BCKDHB: variants seen among roughly 807,000 people sequenced by gnomAD.
BCKDHB encodes the protein 2-oxoisovalerate dehydrogenase subunit beta, mitochondrial.
BCKDHB carries 41 observed loss-of-function variants against 48.5 expected under a neutral mutation model. The ratio of observed to expected loss-of-function variants is 0.85; its 90% CI spans 0.66 to 1.10. The LOEUF is 1.10. BCKDHB is among the 50% of genes least tolerant of loss of function. The pLI, the probability that BCKDHB is intolerant of heterozygous loss-of-function variation, is 0.00. For missense variants in BCKDHB, 496 were observed against 494.2 expected (o/e 1.00, Z -0.03); for synonymous variants, 201 against 174.8 (o/e 1.15, Z -1.18).
intron 9 of BCKDHB, among the ~76,000 whole-genome samples, chr6:80,288,075 C>G (rs1006419335): frequency 6.6e-6 from 1 of 151,204 alleles, no homozygotes; most frequent in Non-Finnish European, 1.5e-5. Context: ...ATCAATGATT[C>G]CTAAATAACT....
the BCKDHB span, among the ~76,000 whole-genome samples, chr6:80,361,602 G>T: frequency 6.6e-6 from 1 of 152,158 alleles, no homozygotes; most frequent in Non-Finnish European, 1.5e-5. Context: ...GTCTGACGCT[G>T]CTCTTACTAT....
chr6:80,458,906 AAATTAT>A, the BCKDHB span, among the ~76,000 whole-genome samples: 2 of 152,182 alleles, frequency 1.3e-5, no homozygotes, highest in African/African-American at 4.8e-5. Context: ...AGGAAAATGC[AAATTAT>A]AATTATAATG....
At chr6:80,363,029 A>G in the BCKDHB span, among the ~76,000 whole-genome samples, 6 of 152,228 alleles carry the variant, frequency 3.9e-5, no homozygotes, top group South Asian at 2.1e-4. Context: ...TATGTCTACA[A>G]TTTTGATGTT....
chr6:80,417,382 T>C, the BCKDHB span, among the ~76,000 whole-genome samples: 38 of 152,324 alleles, frequency 2.5e-4, no homozygotes, highest in Non-Finnish European at 5.0e-4. Context: ...TTTGATTCTG[T>C]CACCATGATG....
intron 9 of BCKDHB, among the ~76,000 whole-genome samples, chr6:80,300,474 T>C (rs1342541873): frequency 6.6e-6 from 1 of 152,208 alleles, no homozygotes; most frequent in East Asian, 1.9e-4. Flanking sequence ...CCTAAATGTA[T>C]ACATACCCAA....
At chr6:80,238,321 A>T (rs2127905113) in intron 8 of BCKDHB, among the ~76,000 whole-genome samples, 1 of 151,606 alleles carries the variant, frequency 6.6e-6, no homozygotes, top group South Asian at 2.1e-4. Context: ...CTTGTCTTGA[A>T]CTCCTGACCT....
At chr6:80,191,366 G>A (rs1228329239) in intron 6 of BCKDHB, among the ~76,000 whole-genome samples, 8 of 152,154 alleles carry the variant, frequency 5.3e-5, no homozygotes, top group Admixed American at 5.2e-4. Flanking sequence ...AGTGGACACA[G>A]CTAGTGCTTG....
chr6:80,233,057 C>T (rs1776000047), intron 8 of BCKDHB, among the ~76,000 whole-genome samples: 1 of 152,044 alleles, frequency 6.6e-6, no homozygotes, highest in East Asian at 1.9e-4. Context: ...TCTCAGTACT[C>T]CCTGTGCACA....
intron 8 of BCKDHB, among the ~76,000 whole-genome samples, chr6:80,232,514 C>T (rs1356444972): frequency 6.6e-6 from 1 of 151,046 alleles, no homozygotes; most frequent in East Asian, 1.9e-4. Flanking sequence ...AGTAGAATCC[C>T]CCTTTTCAGT....
chr6:80,433,927 T>C, the BCKDHB span, among the ~76,000 whole-genome samples: 1 of 152,204 alleles, frequency 6.6e-6, no homozygotes, highest in African/African-American at 2.4e-5. Context: ...TTTCTTTAAA[T>C]ATTTTGTGTC....
rs398124582 is a variant in BCKDHB, at chr6:80,168,923, A to T, written c.526A>T (p.Asn176Tyr). 14 of 1,613,994 alleles carry T rather than the reference A, an allele frequency of 8.7e-6. No individual in the cohort carries two copies. The highest frequency in any genetic ancestry group is 1.1e-5 in the Non-Finnish European group (13 of 1,180,000). The part of the protein sequence containing the change: ...KYRYRSGDLF[N>Y]CGSLTIRSPW... ...TCGCTATCGCTCTGGGGATCTTTTT[A>T]ACTGTGGAAGCCTCACTATCCGGTC... Residue 176 changes from asparagine to tyrosine, a missense_variant, in exon 5 of 10, where the codon AAC (asparagine) becomes TAC (tyrosine). Asn to Tyr is a moderately radical substitution (Grantham distance 143, BLOSUM62 -2). Transcript: ENST00000320393.
chr6:80,324,537 C>CATATAT (rs35691033), intron 9 of BCKDHB, among the ~76,000 whole-genome samples: 6 of 150,762 alleles, frequency 4.0e-5, no homozygotes, highest in South Asian at 4.2e-4. Flanking sequence ...AACATTCTAG[C>CATATAT]ATATATATAT....
At chr6:80,178,085 A>G (rs1314645241) in intron 6 of BCKDHB, among the ~76,000 whole-genome samples, 5 of 152,168 alleles carry the variant, frequency 3.3e-5, no homozygotes, top group Non-Finnish European at 5.9e-5. Context: ...AGGGGCTGAC[A>G]GTCATCTCAT....
chr6:80,348,607 G>A (rs1231840763), downstream of BCKDHB, among the ~76,000 whole-genome samples: 1 of 152,280 alleles, frequency 6.6e-6, no homozygotes, highest in East Asian at 1.9e-4. Context: ...CAGCCTTGTC[G>A]ATGACACTGC....
chr6:80,338,453 A>T (rs984112029), intron 9 of BCKDHB, among the ~76,000 whole-genome samples: 1 of 152,140 alleles, frequency 6.6e-6, no homozygotes, highest in African/African-American at 2.4e-5. Context: ...GCAGCACCGG[A>T]CACTGCCTTT....
chr6:80,273,348 T>A, intron 9 of BCKDHB, 127 bp downstream of exon 9: 2 of 748,144 alleles, frequency 2.7e-6, no homozygotes, highest in South Asian at 3.4e-5. Flanking sequence ...CATGCTTTCA[T>A]ATACTGTGAT....
chr6:80,187,436 A>T (rs1381797583), intron 6 of BCKDHB, among the ~76,000 whole-genome samples: 20 of 152,190 alleles, frequency 1.3e-4, no homozygotes, highest in Admixed American at 1.3e-3. Flanking sequence ...ATTCTAACTC[A>T]GTAGAGAGGG....
intron 9 of BCKDHB, among the ~76,000 whole-genome samples, chr6:80,305,446 A>C (rs529481714): frequency 6.6e-6 from 1 of 152,260 alleles, no homozygotes; most frequent in African/African-American, 2.4e-5. Flanking sequence ...AAAATTTAAA[A>C]ATGTTTTTTA....
At chr6:80,374,625 G>T in the BCKDHB span, 1 of 535,492 alleles carries the variant, frequency 1.9e-6, no homozygotes, top group Non-Finnish European at 3.4e-6. Context: ...TCTTTTAAGT[G>T]GAGCATTTAG....
Sources: allele counts gnomAD v4.1 joint callset (sites outside exome capture counted in the v4.1 genomes callset), GRCh38; gene constraint gnomAD v4.1.1; transcripts MANE v1.5; gene names NCBI Gene and HGNC (gene_info 2026-07-23, HGNC 2026-07-21).